The following LDB3 variants were observed in gnomAD, a reference collection of about 807,000 sequenced individuals.
LDB3 encodes the protein LIM domain-binding protein 3.
A neutral mutation model predicts 69.0 loss-of-function variants in LDB3; 49 were observed. The observed-to-expected ratio is 0.71, with a 90% CI of 0.56 to 0.90. LDB3 has a LOEUF of 0.90. Among genes scored for constraint, LDB3 ranks in the 40% least tolerant of loss-of-function variants. The pLI is 0.00. For missense variants in LDB3, 928 were observed against 974.1 expected, an observed-to-expected ratio of 0.95 and a Z score of 0.63; for synonymous variants, 387 against 396.2, an observed-to-expected ratio of 0.98 and a Z score of 0.28.
rs145439235 is a variant in LDB3 at position 86,729,667 on chromosome 10, AC to A, written c.2095-3219del. ...GCTGGGTGGGCAGAAGGCCTCCTCCACTATGAAGCCACCTTGCACCAAGAAG... is the reference window on the plus strand; with the variant it reads ...GCTGGGTGGGCAGAAGGCCTCCTCCATATGAAGCCACCTTGCACCAAGAAG... On this transcript the variant is annotated intron_variant, in intron 13 of 13. Transcript: ENST00000361373. 5.5e-3 allele frequency among the ~76,000 whole-genome samples: 837 copies of A among 152,226 alleles called. 7 individuals carry two copies. The highest frequency in any genetic ancestry group is 0.019 in the African/African-American group (790 of 41,532).
At chr10:86,688,780 A>G (rs1845623139) in intron 5 of LDB3, among the ~76,000 whole-genome samples, 1 of 152,174 alleles carries the variant, frequency 6.6e-6, no homozygotes, top group South Asian at 2.1e-4. Flanking sequence ...TTCAATGGAG[A>G]ATAATGAAAG....
chr10:86,716,769 C>G lies in LDB3; in HGVS notation c.1674C>G (p.Ile558Met), dbSNP rs1390526770. 6.2e-7 allele frequency: 1 copy of G among 1,605,080 alleles called. No homozygotes were observed. Residue 558 changes from isoleucine (I) to methionine (M), a missense_variant and splice_region_variant, in exon 10 of 14, where the codon ATC (isoleucine) becomes ATG (methionine). Ile to Met is a conservative substitution (Grantham distance 10). Coordinates refer to ENST00000361373, the MANE Select transcript of LDB3 (RefSeq NM_007078.3). ...TCTGCGGTCACTGCAACAATGTCATCCGGTATGGTCCAGCTGTGCCCCTGC... is the reference window on the plus strand; with the variant it reads ...TCTGCGGTCACTGCAACAATGTCATGCGGTATGGTCCAGCTGTGCCCCTGC... ...TPLCGHCNNV[I>M]RGPFLVAMGR...
chr10:86,732,537 T>C, intron 13 of LDB3: 1 of 458,966 alleles, frequency 2.2e-6, no homozygotes, highest in South Asian at 1.5e-5. Flanking sequence ...AGTCTTGCTA[T>C]GTTGCCCAGG....
chr10:86,710,344 C>G (rs1466570536), intron 9 of LDB3: 1 of 788,330 alleles, frequency 1.3e-6, no homozygotes, highest in East Asian at 1.3e-4. Context: ...AATCCCAGCA[C>G]TTTGGGAGGC....
chr10:86,711,519 AG>A (rs1433338228), intron 9 of LDB3, among the ~76,000 whole-genome samples: 2 of 151,686 alleles, frequency 1.3e-5, no homozygotes, highest in Non-Finnish European at 2.9e-5. Flanking sequence ...GGCGGCTGGC[AG>A]GCGGCCCCGT....
intron 12 of LDB3, among the ~76,000 whole-genome samples, chr10:86,723,106 CA>C (rs898233429): frequency 4.8e-4 from 72 of 149,602 alleles, no homozygotes; most frequent in African/African-American, 1.6e-3. Flanking sequence ...ATCTCTAAAA[CA>C]AAAAAAAATT....
chr10:86,680,013 C>A, intron 3 of LDB3, 69 bp from the exon 4 acceptor site: 4 of 1,390,510 alleles, frequency 2.9e-6, no homozygotes, highest in Non-Finnish European at 4.1e-6. Context: ...CCTCACCAGC[C>A]CTGCCCAGGC....
chr10:86,687,126 C>G, intron 5 of LDB3: 1 of 1,614,198 alleles, frequency 6.2e-7, no homozygotes, highest in Non-Finnish European at 8.5e-7. Context: ...CCCTGTCCAC[C>G]CACAAGCCCA....
At position 86,699,231 on chromosome 10, in the gene LDB3, G is replaced by T. The variant is rs1846143922; in HGVS notation, c.896+6660G>T. The T allele has an allele frequency of 6.4e-7, 1 of 1,550,856 alleles. No homozygotes were observed. The highest frequency in any genetic ancestry group is 1.8e-5 in the Admixed American group (1 of 54,388). ...CTCTCTTCTCTCTCTTTCTGTCTCT[G>T]TCTCTGTTTCTCTCTCTCTCTCTCT... is the stretch of plus-strand genomic sequence containing the variant. On this transcript the variant is annotated intron_variant, in intron 7 of 13. Coordinates refer to ENST00000361373, the MANE Select transcript of LDB3 (RefSeq NM_007078.3). This position sits in a 1 kb window ranked among gnomAD's most constrained non-coding sequence, Gnocchi z 4.9.
intron 9 of LDB3, among the ~76,000 whole-genome samples, chr10:86,714,552 TC>T (rs372031472): frequency 7.0e-6 from 1 of 143,638 alleles, no homozygotes; most frequent in African/African-American, 2.6e-5. Flanking sequence ...GAAGGTATTA[TC>T]TTTTTTTTTT....
In LDB3 at chr10:86,706,953, G is replaced by A. The variant is rs17106959; in HGVS notation, c.1085+234G>A. On this transcript the variant is annotated intron_variant, in intron 8 of 13. Transcript: ENST00000361373. ...TCTGCCCCCCAGGGACACATACACC[G>A]GTGAGAGAGGTAACAGTGTCTCTCT... is the stretch of plus-strand genomic sequence containing the variant. Among the ~76,000 whole-genome samples, 14,253 of 152,176 alleles carry A rather than the reference G, an allele frequency of 0.094. 802 individuals are homozygous for A. The highest frequency in any genetic ancestry group is 0.14 in the African/African-American group (5,711 of 41,510).
rs2248643 is a variant in LDB3 at position 86,681,239 on chromosome 10, C to G, written c.322-197C>G. 0.74 allele frequency among the ~76,000 whole-genome samples: 113,311 copies of G among 152,316 alleles called. 42,362 individuals carry two copies. Among genetic ancestry groups the G allele is most frequent in the East Asian group, 0.81 (4,168 of 5,170 alleles). On this transcript the variant is annotated intron_variant, in intron 4 of 13. Transcript: ENST00000361373. The stretch of plus-strand genomic sequence containing the variant: ...TCTGCCCAGCTGGATGCCAGCCTCA[C>G]GCCAGGCCAGGAGCCATGTGCCTGC...
At chr10:86,710,863 G>A (rs2132468202) in intron 9 of LDB3, among the ~76,000 whole-genome samples, 1 of 152,352 alleles carries the variant, frequency 6.6e-6, no homozygotes, top group South Asian at 2.1e-4. Context: ...GGCCTGCTCT[G>A]CTCTCGAAGG....
intron 5 of LDB3, among the ~76,000 whole-genome samples, chr10:86,687,744 T>C (rs570732227): frequency 2.4e-4 from 37 of 152,372 alleles, no homozygotes; most frequent in South Asian, 8.3e-4. Flanking sequence ...TCCACACTAC[T>C]GCTGGCAATC....
At chr10:86,669,513 C>T (rs1844341657) in intron 2 of LDB3, among the ~76,000 whole-genome samples, 2 of 152,204 alleles carry the variant, frequency 1.3e-5, no homozygotes, top group Non-Finnish European at 2.9e-5. Flanking sequence ...AACTCTACCG[C>T]CTGGCTGGAG....
chr10:86,718,152 G>T lies in LDB3; in HGVS notation c.1857+8G>T, dbSNP rs1846943768. The stretch of plus-strand genomic sequence containing the variant: ...AACACCAAAATTATGGGGGTAAGTG[G>T]GAGGCCTCCATTTCCTCTGACCCAT... On this transcript the variant is annotated splice_region_variant and intron_variant, in intron 11 of 13. Coordinates refer to ENST00000361373, the MANE Select transcript of LDB3 (RefSeq NM_007078.3). 1 of 1,613,542 alleles carries T rather than the reference G, an allele frequency of 6.2e-7. No homozygotes were observed. The highest frequency in any genetic ancestry group is 1.1e-5 in the South Asian group (1 of 91,054).
chr10:86,687,113 C>A, intron 5 of LDB3: 3 of 1,614,174 alleles, frequency 1.9e-6, no homozygotes, highest in Non-Finnish European at 2.5e-6. Flanking sequence ...CTGAAGGACT[C>A]GGCCCTGTCC....
intron 5 of LDB3, among the ~76,000 whole-genome samples, chr10:86,687,777 C>T (rs942030826): frequency 6.6e-6 from 1 of 152,204 alleles, no homozygotes; most frequent in Non-Finnish European, 1.5e-5. Flanking sequence ...GGGAGCAATC[C>T]CCTTCTTTTT....
intron 12 of LDB3, among the ~76,000 whole-genome samples, chr10:86,719,447 C>A (rs927156315): frequency 6.6e-6 from 1 of 152,014 alleles, no homozygotes; most frequent in Admixed American, 6.6e-5. Context: ...ACTGGGAAAC[C>A]TTTCAGGTTA....
Sources: allele counts gnomAD v4.1 joint callset (sites outside exome capture counted in the v4.1 genomes callset), GRCh38; gene constraint gnomAD v4.1.1; non-coding constraint Gnocchi (gnomAD v3.1); transcripts MANE v1.5; gene names NCBI Gene and HGNC (gene_info 2026-07-23, HGNC 2026-07-21).